Variants in SSX2IP observed in about 807,000 individuals in gnomAD.
The protein encoded by SSX2IP is SSX family member 2 interacting protein, also known as afadin- and alpha-actinin-binding protein.
Under a neutral mutation model 84.9 loss-of-function variants are expected in SSX2IP, and 55 were observed. The ratio of observed to expected loss-of-function variants is 0.65; its 90% CI spans 0.52 to 0.81. The LOEUF is 0.81. Among genes scored for constraint, SSX2IP ranks in the 30% least tolerant of loss-of-function variants. The pLI is 0.00. For missense variants in SSX2IP, 664 were observed against 705.2 expected, an observed-to-expected ratio of 0.94 and a Z score of 0.66; for synonymous variants, 239 against 234.7, an observed-to-expected ratio of 1.02 and a Z score of -0.17.
intron 1 of SSX2IP, among the ~76,000 whole-genome samples, chr1:84,672,422 A>C (rs550578862): frequency 4.6e-5 from 7 of 152,258 alleles, no homozygotes; most frequent in South Asian, 2.1e-4. Flanking sequence ...AAAAAAAAAA[A>C]AACTCTATGT....
chr1:84,658,248 C>G, intron 9 of SSX2IP, 70 bp downstream of exon 9: 2 of 1,580,944 alleles, frequency 1.3e-6, no homozygotes, highest in Non-Finnish European at 1.7e-6. Flanking sequence ...ATGCGGCTTT[C>G]TAAGTGACTA....
Position 84,659,889 on chromosome 1 carries a change from G to A in SSX2IP, c.928-1421C>T, listed in dbSNP as rs1179320024. ...ACCACAAAATGAAAATAAAAAATTCGGCTGGGCACAGTGGCTCATGTCTGT... is the reference window on the plus strand; with the variant it reads ...ACCACAAAATGAAAATAAAAAATTCAGCTGGGCACAGTGGCTCATGTCTGT... On this transcript the variant is annotated intron_variant, in intron 8 of 13. Coordinates refer to ENST00000342203, the MANE Select transcript of SSX2IP (RefSeq NM_001166293.2). Among the ~76,000 whole-genome samples, 5 of 151,824 alleles carry A rather than the reference G, an allele frequency of 3.3e-5. No individual in the cohort carries two copies. The South Asian group carries it at 6.2e-4, about 19-fold the overall frequency.
chr1:84,680,055 C>T (rs1654869287), intron 1 of SSX2IP, among the ~76,000 whole-genome samples: 1 of 152,164 alleles, frequency 6.6e-6, no homozygotes, highest in African/African-American at 2.4e-5. Context: ...AATCTATCTC[C>T]CAGTTGGGCT....
intron 6 of SSX2IP, among the ~76,000 whole-genome samples, 165 bp downstream of exon 6, chr1:84,664,252 A>T (rs1261744181): frequency 6.6e-6 from 1 of 152,156 alleles, no homozygotes; most frequent in Non-Finnish European, 1.5e-5. Context: ...ACTTTCCACT[A>T]ACCAGTTGTC....
intron 1 of SSX2IP, among the ~76,000 whole-genome samples, chr1:84,671,909 A>ATAATC (rs1653630668): frequency 6.6e-6 from 1 of 152,246 alleles, no homozygotes; most frequent in African/African-American, 2.4e-5. Context: ...GTGTACAAAG[A>ATAATC]TAATCTAAAA....
chr1:84,651,783 G>A (rs1466765744), intron 12 of SSX2IP, 100 bp downstream of exon 12: 7 of 729,036 alleles, frequency 9.6e-6, no homozygotes, highest in Non-Finnish European at 1.5e-5. Flanking sequence ...TCTAATTGGT[G>A]ATTTCCAAAG....
intron 3 of SSX2IP, 155 bp from the exon 4 acceptor site, chr1:84,670,048 T>C: frequency 1.7e-6 from 1 of 572,338 alleles, no homozygotes; most frequent in Non-Finnish European, 3.1e-6. Context: ...ATTCCTGAAA[T>C]TGCTGAGCAA....
intron 11 of SSX2IP, among the ~76,000 whole-genome samples, chr1:84,653,959 T>C (rs1230011963): frequency 6.6e-6 from 1 of 152,006 alleles, no homozygotes; most frequent in Non-Finnish European, 1.5e-5. Context: ...AAAGATAAAT[T>C]CTGAAGCAAA....
rs910114383 is a variant in SSX2IP, at chr1:84,682,793, G to A, written c.-90+7578C>T. On this transcript the variant is annotated intron_variant, in intron 1 of 13. Transcript: ENST00000342203. ...TGGGATTACAGGTGTGAGCCATCACGCACTGCCTTTTCTTCACATTTTTAT... is the reference window on the plus strand; with the variant it reads ...TGGGATTACAGGTGTGAGCCATCACACACTGCCTTTTCTTCACATTTTTAT... Among the ~76,000 whole-genome samples the A allele has an allele frequency of 2.1e-4, 32 of 152,148 alleles. 1 individual carries two copies. Among genetic ancestry groups the A allele is most frequent in the African/African-American group, 6.7e-4 (28 of 41,526 alleles).
At chr1:84,656,601 G>A in intron 9 of SSX2IP, 117 bp from the exon 10 acceptor site, 3 of 962,856 alleles carry the variant, frequency 3.1e-6, no homozygotes, top group Non-Finnish European at 4.2e-6. Context: ...GAATTTTATA[G>A]GTTTTCTAAA....
At chr1:84,669,614 G>T in intron 4 of SSX2IP, 67 bp downstream of exon 4, 1 of 1,275,984 alleles carries the variant, frequency 7.8e-7, no homozygotes, top group Non-Finnish European at 1.1e-6. Context: ...ATTTAATAAA[G>T]TCAGTAAAAA....
In SSX2IP at chr1:84,669,740, G is replaced by GCTTCAAA; in HGVS notation, c.366_367insTTTGAAG (p.Gln123PhefsTer10). On this transcript the variant is annotated frameshift_variant, in exon 4 of 14. Transcript: ENST00000342203. LOFTEE classifies it high-confidence loss of function. ...ATATCACTTCCCAGCTTCAAATTCTGTGTCTCCACATTTTCCTGAGCTAGA... is the reference window on the plus strand; with the variant it reads ...ATATCACTTCCCAGCTTCAAATTCTGCTTCAAATGTCTCCACATTTTCCTGAGCTAGA... The GCTTCAAA allele has an allele frequency of 6.2e-7, 1 of 1,613,758 alleles. No homozygotes were observed. The highest frequency in any genetic ancestry group is 8.5e-7 in the Non-Finnish European group (1 of 1,179,776).
intron 4 of SSX2IP, among the ~76,000 whole-genome samples, chr1:84,667,148 T>C (rs1213644362): frequency 6.6e-6 from 1 of 152,052 alleles, no homozygotes; most frequent in African/African-American, 2.4e-5. Context: ...ATGTAGCATA[T>C]ATGTCAAATC....
chr1:84,675,290 C>A (rs1654169403), intron 1 of SSX2IP, among the ~76,000 whole-genome samples: 1 of 152,168 alleles, frequency 6.6e-6, no homozygotes, highest in East Asian at 1.9e-4. Context: ...AGTTTTCTAG[C>A]ACTGTTACCA....
chr1:84,661,535 C>T (rs1405238262), intron 8 of SSX2IP, among the ~76,000 whole-genome samples: 4 of 152,098 alleles, frequency 2.6e-5, no homozygotes, highest in Non-Finnish European at 5.9e-5. Context: ...ATTACAGCAC[C>T]TAACACATGT....
Position 84,664,512 on chromosome 1 carries a change from T to C in SSX2IP, c.578A>G (p.Gln193Arg). 1 of 1,593,312 alleles carries C rather than the reference T, an allele frequency of 6.3e-7. No individual in the cohort carries two copies. The highest frequency in any genetic ancestry group is 1.1e-5 in the South Asian group (1 of 87,188). The stretch of plus-strand genomic sequence containing the variant: ...TTTTCTCTTCATATCATGATTATAC[T>C]GAGTAGCTCGACTTGCAATGATATT... ...LQNIIASRAT[Q>R]YNHDMKRKER... The change falls in exon 6 of 14, where the codon CAG becomes CGG. Residue 193 changes from glutamine (Q) to arginine (R), a missense_variant. By Grantham distance (43) the Gln-to-Arg change is conservative. Transcript: ENST00000342203.
rs1653269748 is a variant in SSX2IP, at chr1:84,669,735, A to C, written c.372T>G (p.Asn124Lys). The change falls in exon 4 of 14, where the codon AAT becomes AAG. Residue 124 changes from asparagine (N) to lysine (K), a missense_variant. Physicochemically the swap from Asn to Lys is moderately conservative, Grantham distance 94. Transcript: ENST00000342203. ...LLAQENVETQ[N>K]LKLGSDMDHL... ...GGTCCATATCACTTCCCAGCTTCAAATTCTGTGTCTCCACATTTTCCTGAG... is the reference window on the plus strand; with the variant it reads ...GGTCCATATCACTTCCCAGCTTCAACTTCTGTGTCTCCACATTTTCCTGAG... 1 of 1,613,632 alleles carries C rather than the reference A, an allele frequency of 6.2e-7. No homozygotes were observed. Among genetic ancestry groups the C allele is most frequent in the Non-Finnish European group, 8.5e-7 (1 of 1,179,770 alleles).
intron 9 of SSX2IP, among the ~76,000 whole-genome samples, chr1:84,657,596 A>G (rs1000820035): frequency 6.6e-6 from 1 of 151,586 alleles, no homozygotes; most frequent in Non-Finnish European, 1.5e-5. Flanking sequence ...TTTGGGGGGG[A>G]ACAGGTGGTG....
chr1:84,656,217 T>C (rs1250701518), intron 10 of SSX2IP, 131 bp downstream of exon 10: 1 of 1,004,380 alleles, frequency 1.0e-6, no homozygotes, highest in African/African-American at 1.6e-5. Flanking sequence ...ATGTATCTGT[T>C]AGCAGGGAAC....
Sources: allele counts gnomAD v4.1 joint callset (sites outside exome capture counted in the v4.1 genomes callset), GRCh38; gene constraint gnomAD v4.1.1; transcripts MANE v1.5; gene names NCBI Gene and HGNC (gene_info 2026-07-23, HGNC 2026-07-21).